The following TMCO1 variants were observed in gnomAD, a reference collection of about 807,000 sequenced individuals.
The protein encoded by TMCO1 is calcium load-activated calcium channel.
A neutral mutation model predicts 29.3 loss-of-function variants in TMCO1; 29 were observed. That is an observed-to-expected ratio of 0.99 (90% confidence interval 0.74 to 1.35). The LOEUF is 1.35. Ranked by LOEUF, TMCO1 falls within the 40% of genes most tolerant of loss-of-function variation. The pLI, the probability that TMCO1 is intolerant of heterozygous loss-of-function variation, is 0.00. For synonymous variants in TMCO1, 80 were observed against 77.1 expected (o/e 1.04, Z -0.20); for missense variants, 173 against 225.5 (o/e 0.77, Z 1.49).
At chr1:165,744,634 T>C (rs950088456) in intron 5 of TMCO1, among the ~76,000 whole-genome samples, 3 of 151,744 alleles carry the variant, frequency 2.0e-5, no homozygotes, top group Admixed American at 6.6e-5. Flanking sequence ...CTACTAAAAA[T>C]ACAAAATTAG....
At chr1:165,731,785 C>G (rs1314655443) in intron 6 of TMCO1, among the ~76,000 whole-genome samples, 1 of 152,204 alleles carries the variant, frequency 6.6e-6, no homozygotes, top group East Asian at 1.9e-4. Flanking sequence ...GTAGCCACAG[C>G]CAAAGTACAT....
At chr1:165,731,248 A>C (rs1651151863) in intron 6 of TMCO1, among the ~76,000 whole-genome samples, 2 of 152,094 alleles carry the variant, frequency 1.3e-5, no homozygotes, top group Non-Finnish European at 2.9e-5. Context: ...CCTCTAAAAA[A>C]CCCATTACAC....
intron 3 of TMCO1, among the ~76,000 whole-genome samples, chr1:165,759,197 A>C (rs1652309065): frequency 6.6e-6 from 1 of 152,214 alleles, no homozygotes. Flanking sequence ...AGTAAGACTT[A>C]AGTGGAAATA....
At chr1:165,752,634 A>C (rs1652045858) in intron 4 of TMCO1, among the ~76,000 whole-genome samples, 2 of 151,590 alleles carry the variant, frequency 1.3e-5, no homozygotes, top group South Asian at 4.2e-4. Context: ...CTCTACTAAA[A>C]ATACAAAAAA....
At chr1:165,726,186 C>T (rs1422877685), downstream of TMCO1, 6 of 698,314 alleles carry the variant, frequency 8.6e-6, no homozygotes, top group Non-Finnish European at 1.0e-5. Context: ...TATTATTTTG[C>T]TTAGAGTGGT....
chr1:165,736,154 A>G lies in TMCO1; in HGVS notation c.468+7013T>C, dbSNP rs147194827. Among the ~76,000 whole-genome samples, 1,012 of 152,332 alleles carry G rather than the reference A, an allele frequency of 6.6e-3. 15 individuals are homozygous for G. The highest frequency in any genetic ancestry group is 0.022 in the African/African-American group (914 of 41,586). Reference sequence around the variant, plus strand: ...ACTCTCTATGAACCAGGCAGGAAACAGGACCTCACCAGACACCGAATTTGC... The same window carrying G: ...ACTCTCTATGAACCAGGCAGGAAACGGGACCTCACCAGACACCGAATTTGC... On this transcript the variant is annotated intron_variant, in intron 6 of 6. Coordinates refer to ENST00000367881, the MANE Select transcript of TMCO1 (RefSeq NM_019026.6).
At chr1:165,731,188 C>T (rs748460740) in intron 6 of TMCO1, among the ~76,000 whole-genome samples, 5 of 152,098 alleles carry the variant, frequency 3.3e-5, no homozygotes, top group Non-Finnish European at 5.9e-5. Context: ...CATGAGCCAC[C>T]GTACCTGGCC....
intron 6 of TMCO1, among the ~76,000 whole-genome samples, chr1:165,728,814 C>T (rs968191917): frequency 1.3e-4 from 20 of 151,854 alleles, no homozygotes; most frequent in Middle Eastern, 3.4e-3. Flanking sequence ...TTTTCAGTTT[C>T]GGCCGGGTGT....
At position 165,751,814 on chromosome 1, in the gene TMCO1, C is replaced by T. The variant is rs146740175; in HGVS notation, c.323+288G>A. 1.7e-3 allele frequency among the ~76,000 whole-genome samples: 255 copies of T among 151,010 alleles called. 1 individual carries two copies. The highest frequency in any genetic ancestry group is 3.5e-3 in the Middle Eastern group (1 of 288). Reference sequence around the variant, plus strand: ...TATACAGAGAAGTAGTTATGGGAAACGGGGCATACAGCCTACAACATACTC... The same window carrying T: ...TATACAGAGAAGTAGTTATGGGAAATGGGGCATACAGCCTACAACATACTC... On this transcript the variant is annotated intron_variant, in intron 5 of 6. Coordinates refer to ENST00000367881, the MANE Select transcript of TMCO1 (RefSeq NM_019026.6).
intron 6 of TMCO1, among the ~76,000 whole-genome samples, chr1:165,730,905 CT>C (rs112597230): frequency 0.017 from 2,434 of 140,900 alleles, 49 homozygotes; most frequent in African/African-American, 0.05. Context: ...CTTTGCAATA[CT>C]TTTTTTTTTT....
intron 6 of TMCO1, among the ~76,000 whole-genome samples, chr1:165,741,969 T>C (rs73022512): frequency 0.013 from 2,026 of 152,334 alleles, 53 homozygotes; most frequent in African/African-American, 0.047. Context: ...TACAGAGCCA[T>C]AAGCCAATTA....
At chr1:165,767,215 T>C (rs1020231983) in intron 2 of TMCO1, among the ~76,000 whole-genome samples, 2 of 151,982 alleles carry the variant, frequency 1.3e-5, no homozygotes, top group African/African-American at 2.4e-5. Context: ...TATGAAGATA[T>C]AAGAAAAAGT....
intron 5 of TMCO1, among the ~76,000 whole-genome samples, chr1:165,750,541 CA>C (rs776845482): frequency 2.6e-4 from 23 of 87,606 alleles, no homozygotes; most frequent in Middle Eastern, 6.1e-3. Flanking sequence ...AACTCCGTCT[CA>C]AAAAAAAAAA....
intron 6 of TMCO1, among the ~76,000 whole-genome samples, chr1:165,739,274 T>G (rs1162616473): frequency 1.3e-5 from 2 of 152,206 alleles, no homozygotes; most frequent in East Asian, 1.9e-4. Context: ...AGAAACAGTT[T>G]GCCGATCCGC....
intron 6 of TMCO1, among the ~76,000 whole-genome samples, chr1:165,733,545 G>A (rs1475165422): frequency 6.6e-6 from 1 of 151,804 alleles, no homozygotes; most frequent in Non-Finnish European, 1.5e-5. Context: ...GAGGTTGTAG[G>A]AGATCGTGCA....
rs1341633252 is a variant in TMCO1, at chr1:165,759,531, T to C, written c.202A>G (p.Lys68Glu). 2 of 1,611,962 alleles carry C rather than the reference T, an allele frequency of 1.2e-6. No individual in the cohort carries two copies. The highest frequency in any genetic ancestry group is 8.5e-7 in the Non-Finnish European group (1 of 1,178,816). ...GACTAATATCTCATCTTACCTATTTTCTTTTTCTGTTGTCGACCAGCTGAC... is the reference window on the plus strand; with the variant it reads ...GACTAATATCTCATCTTACCTATTTCCTTTTTCTGTTGTCGACCAGCTGAC... ...TESAGRQQKK[K>E]IERQEEKLKN... Residue 68 changes from lysine to glutamate, a missense_variant, in exon 3 of 7, where the codon AAA becomes GAA. Physicochemically the swap from Lys to Glu is moderately conservative, Grantham distance 56. Transcript: ENST00000367881.
chr1:165,730,147 C>A (rs1651084331), intron 6 of TMCO1, among the ~76,000 whole-genome samples: 1 of 134,934 alleles, frequency 7.4e-6, no homozygotes, highest in South Asian at 2.4e-4. Flanking sequence ...CGGTGAAACC[C>A]CGTCTGTACT....
At chr1:165,730,319 G>A (rs538844947) in intron 6 of TMCO1, among the ~76,000 whole-genome samples, 41 of 150,652 alleles carry the variant, frequency 2.7e-4, no homozygotes, top group African/African-American at 8.8e-4. Context: ...CCTGGGCGAC[G>A]GCGAGACTCC....
intron 2 of TMCO1, among the ~76,000 whole-genome samples, chr1:165,766,391 A>T (rs1389513235): frequency 6.6e-6 from 1 of 152,236 alleles, no homozygotes; most frequent in Non-Finnish European, 1.5e-5. Context: ...CAGCCAAAAG[A>T]TAAGTTCACC....
Sources: allele counts gnomAD v4.1 joint callset (sites outside exome capture counted in the v4.1 genomes callset), GRCh38; gene constraint gnomAD v4.1.1; transcripts MANE v1.5; gene names NCBI Gene and HGNC (gene_info 2026-07-23, HGNC 2026-07-21).